The following ELOVL5 variants were observed in gnomAD, a reference collection of about 807,000 sequenced individuals.
The protein encoded by ELOVL5 is very long chain fatty acid elongase 5.
In ELOVL5, 8 loss-of-function variants were observed where a neutral mutation model predicts 38.6. That is an observed-to-expected ratio of 0.21 (90% CI 0.12 to 0.37). The LOEUF (loss-of-function observed/expected upper bound fraction) is 0.37, where lower values mean the gene tolerates loss of function less well. Among genes scored for constraint, ELOVL5 ranks in the 10% least tolerant of loss-of-function variants. ELOVL5 has a pLI of 1.00. For missense variants in ELOVL5, 280 were observed against 367.8 expected (o/e 0.76, Z 1.95); for synonymous variants, 127 against 133.7 (o/e 0.95, Z 0.34).
chr6:53,334,376 C>T (rs1768951921), intron 1 of ELOVL5, among the ~76,000 whole-genome samples: 2 of 152,118 alleles, frequency 1.3e-5, no homozygotes, highest in Admixed American at 6.5e-5. Context: ...GTAAAATATG[C>T]AAGGGAGGGC....
chr6:53,308,334 T>C (rs1000899655), intron 1 of ELOVL5, among the ~76,000 whole-genome samples: 1 of 152,238 alleles, frequency 6.6e-6, no homozygotes, highest in African/African-American at 2.4e-5. Flanking sequence ...TCTGTTTATC[T>C]GTCCACATCC....
intron 1 of ELOVL5, among the ~76,000 whole-genome samples, chr6:53,297,637 A>C (rs1456288944): frequency 6.6e-6 from 1 of 152,152 alleles, no homozygotes; most frequent in African/African-American, 2.4e-5. Flanking sequence ...TATTGTTGTT[A>C]ATCTTACTTT....
intron 1 of ELOVL5, among the ~76,000 whole-genome samples, chr6:53,304,183 T>C (rs745906534): frequency 1.3e-5 from 2 of 152,176 alleles, no homozygotes; most frequent in Non-Finnish European, 2.9e-5. Flanking sequence ...ACACCTGTTA[T>C]TACAAAATAA....
Position 53,291,932 on chromosome 6 carries a change from G to T in ELOVL5, c.90C>A (p.Asp30Glu). The change falls in exon 3 of 8, where the codon GAC (aspartate) becomes GAA (glutamate). Residue 30 changes from aspartate (D) to glutamate (E), a missense_variant. By Grantham distance (45) the Asp-to-Glu change is conservative. Transcript: ENST00000304434. ...DTRVKGWFLLDNYIPTFICSV... is the reference protein window; with the variant it reads ...DTRVKGWFLLENYIPTFICSV... The stretch of plus-strand genomic sequence containing the variant: ...AGCAGATAAATGTGGGTATATAATT[G>T]TCCAGAAGAAACCATCCTTTTACTC... The T allele has an allele frequency of 1.3e-6, 2 of 1,591,546 alleles. No homozygotes were observed. The highest frequency in any genetic ancestry group is 1.7e-6 in the Non-Finnish European group (2 of 1,167,516).
chr6:53,322,308 C>T (rs1768332105), intron 1 of ELOVL5, among the ~76,000 whole-genome samples: 1 of 152,134 alleles, frequency 6.6e-6, no homozygotes, highest in South Asian at 2.1e-4. Context: ...TAAGAAGACT[C>T]TTCCAGTTGT....
At chr6:53,289,158 G>T (rs1246895399) in intron 3 of ELOVL5, among the ~76,000 whole-genome samples, 1 of 152,180 alleles carries the variant, frequency 6.6e-6, no homozygotes, top group Non-Finnish European at 1.5e-5. Flanking sequence ...TTATGCCACA[G>T]AATTAAATAA....
chr6:53,294,266 C>A, intron 2 of ELOVL5: 2 of 1,551,034 alleles, frequency 1.3e-6, no homozygotes, highest in African/African-American at 2.7e-5. Context: ...TGGTCCTAAC[C>A]CCCTCTGGTG....
At chr6:53,277,117 T>G (rs549077348) in intron 3 of ELOVL5, 12 of 153,104 alleles carry the variant, frequency 7.8e-5, no homozygotes, top group South Asian at 2.1e-4. Context: ...CACAAGAGTT[T>G]AGCTTGGCGA....
intron 2 of ELOVL5, among the ~76,000 whole-genome samples, chr6:53,295,095 TC>T (rs1252790849): frequency 6.6e-6 from 1 of 152,252 alleles, no homozygotes; most frequent in African/African-American, 2.4e-5. Flanking sequence ...AAAAGCCATT[TC>T]TAGTTTTTCT....
chr6:53,282,790 A>G (rs960103924), intron 3 of ELOVL5, among the ~76,000 whole-genome samples: 1 of 152,224 alleles, frequency 6.6e-6, no homozygotes, highest in African/African-American at 2.4e-5. Context: ...AAATTCAATA[A>G]TCAATTGCCA....
chr6:53,343,167 C>A (rs1427129446), intron 1 of ELOVL5, among the ~76,000 whole-genome samples: 1 of 152,076 alleles, frequency 6.6e-6, no homozygotes, highest in South Asian at 2.1e-4. Flanking sequence ...GCTGCAATCT[C>A]CATCAACTGT....
chr6:53,327,798 C>A (rs999596838), intron 1 of ELOVL5, among the ~76,000 whole-genome samples: 3 of 152,182 alleles, frequency 2.0e-5, no homozygotes, highest in Non-Finnish European at 4.4e-5. Context: ...TTTCCCGTTT[C>A]TTTCAAGAAT....
At chr6:53,304,837 G>GA (rs201734306) in intron 1 of ELOVL5, among the ~76,000 whole-genome samples, 55,210 of 152,070 alleles carry the variant, frequency 0.36, 11,134 homozygotes, top group African/African-American at 0.55. Context: ...TTTCTACACA[G>GA]CACAGCAACC....
Position 53,342,125 on chromosome 6 carries a change from A to AG in ELOVL5, c.-9+6691_-9+6692insC, listed in dbSNP as rs534147713. Among the ~76,000 whole-genome samples, 657 of 152,216 alleles carry AG rather than the reference A, an allele frequency of 4.3e-3. 7 individuals are homozygous for AG. Among genetic ancestry groups the AG allele is most frequent in the African/African-American group, 0.015 (634 of 41,448 alleles). On this transcript the variant is annotated intron_variant, in intron 1 of 7. Coordinates refer to ENST00000304434, the MANE Select transcript of ELOVL5 (RefSeq NM_021814.5). ...GATTAATATGCAGAAGTTCGGACAGAAGCAAACTCAAATTTTCACACAGAT... is the reference window on the plus strand; with the variant it reads ...GATTAATATGCAGAAGTTCGGACAGAGAGCAAACTCAAATTTTCACACAGAT...
intron 1 of ELOVL5, among the ~76,000 whole-genome samples, chr6:53,348,301 C>A (rs1769663515): frequency 6.6e-6 from 1 of 152,168 alleles, no homozygotes; most frequent in South Asian, 2.1e-4. Context: ...AGAGTCCCCC[C>A]AGCGGCGCCC....
At chr6:53,325,503 A>T (rs952378574) in intron 1 of ELOVL5, among the ~76,000 whole-genome samples, 1 of 152,198 alleles carries the variant, frequency 6.6e-6, no homozygotes, top group African/African-American at 2.4e-5. Context: ...TGAGCCTGAG[A>T]GAGTTTCTGA....
At chr6:53,284,743 T>C (rs1055371893) in intron 3 of ELOVL5, among the ~76,000 whole-genome samples, 1 of 152,168 alleles carries the variant, frequency 6.6e-6, no homozygotes, top group African/African-American at 2.4e-5. Context: ...TGTTACTGTG[T>C]CACATTTTTG....
intron 3 of ELOVL5, among the ~76,000 whole-genome samples, chr6:53,284,739 T>G (rs577612290): frequency 9.2e-5 from 14 of 152,224 alleles, no homozygotes; most frequent in Non-Finnish European, 1.9e-4. Flanking sequence ...TATGTGTTAC[T>G]GTGTCACATT....
At chr6:53,295,570 T>A in intron 2 of ELOVL5, 72 bp downstream of exon 2, 1 of 951,020 alleles carries the variant, frequency 1.1e-6, no homozygotes, top group South Asian at 1.5e-5. Flanking sequence ...TATCTCCTCA[T>A]GCAATATTTA....
Sources: allele counts gnomAD v4.1 joint callset (sites outside exome capture counted in the v4.1 genomes callset), GRCh38; gene constraint gnomAD v4.1.1; transcripts MANE v1.5; gene names NCBI Gene and HGNC (gene_info 2026-07-23, HGNC 2026-07-21).